The following ATP6V0E1 variants were observed in gnomAD, a reference collection of about 807,000 sequenced individuals.
ATP6V0E1 encodes ATPase H+ transporting V0 subunit e1.
A neutral mutation model predicts 11.6 loss-of-function variants in ATP6V0E1; 4 were observed. That is an observed-to-expected ratio of 0.35 (90% confidence interval 0.17 to 0.79). The LOEUF is 0.79. Ranked by LOEUF, ATP6V0E1 falls within the 30% of genes least tolerant of loss-of-function variation. The probability of loss-of-function intolerance (pLI) is 0.54; values close to 1 mark genes in which losing one functional copy is unlikely to be tolerated. For missense variants in ATP6V0E1, 105 were observed against 100.0 expected (o/e 1.05, Z -0.21); for synonymous variants, 36 against 34.8 (o/e 1.04, Z -0.13).
chr5:172,991,177 A>T (rs1242185377), intron 1 of ATP6V0E1, among the ~76,000 whole-genome samples: 1 of 152,108 alleles, frequency 6.6e-6, no homozygotes, highest in East Asian at 1.9e-4. Flanking sequence ...GTAGTACAAT[A>T]AGTGCCATAT....
Position 172,983,787 on chromosome 5 carries a change from C to T in ATP6V0E1, c.-74C>T, listed in dbSNP as rs773979303. On this transcript the variant is annotated 5_prime_UTR_variant, in exon 1 of 4. Coordinates refer to ENST00000519374, the MANE Select transcript of ATP6V0E1 (RefSeq NM_003945.4). ...GCGGGGCTTGCACACGCTGGTCACG[C>T]GGTCAGCTATTGACACTTCCTGGTG... The T allele has an allele frequency of 1.4e-6, 2 of 1,426,988 alleles. No homozygotes were observed. Among genetic ancestry groups the T allele is most frequent in the Admixed American group, 1.7e-5 (1 of 59,126 alleles). The allele number at this position is 1,426,988 out of a possible 1,614,324, so 88.4% of individuals were successfully genotyped here.
intron 2 of ATP6V0E1, among the ~76,000 whole-genome samples, chr5:173,015,790 G>A (rs1483969111): frequency 5.3e-5 from 8 of 152,094 alleles, no homozygotes; most frequent in African/African-American, 2.4e-5. Flanking sequence ...GCAGTGGTGC[G>A]ACCTTGGCTC....
At chr5:173,008,554 T>C (rs1239754254) in intron 2 of ATP6V0E1, among the ~76,000 whole-genome samples, 1 of 149,256 alleles carries the variant, frequency 6.7e-6, no homozygotes, top group Non-Finnish European at 1.5e-5. Context: ...CCACCTTGGC[T>C]TCCCAAAGTG....
At chr5:173,017,867 A>G (rs1384730565) in intron 2 of ATP6V0E1, among the ~76,000 whole-genome samples, 3 of 151,306 alleles carry the variant, frequency 2.0e-5, no homozygotes, top group Non-Finnish European at 4.4e-5. Context: ...AAAAGAAAAG[A>G]AAAGAAAGGG....
chr5:172,992,335 G>T (rs1049325945), intron 1 of ATP6V0E1, among the ~76,000 whole-genome samples: 6 of 152,220 alleles, frequency 3.9e-5, no homozygotes, highest in Non-Finnish European at 7.3e-5. Flanking sequence ...GCAGGCGTGA[G>T]CCACTGCGCC....
chr5:173,016,232 A>G (rs1756398150), intron 2 of ATP6V0E1, among the ~76,000 whole-genome samples: 1 of 152,156 alleles, frequency 6.6e-6, no homozygotes, highest in Non-Finnish European at 1.5e-5. Context: ...GTGAGATCTG[A>G]TGCTGATGCT....
At chr5:173,002,382 T>C (rs1226819569) in intron 2 of ATP6V0E1, among the ~76,000 whole-genome samples, 1 of 152,228 alleles carries the variant, frequency 6.6e-6, no homozygotes, top group South Asian at 2.1e-4. Flanking sequence ...ATAGGCTTCT[T>C]CTCCATATCT....
chr5:173,034,266 T>C, intron 3 of ATP6V0E1, 133 bp from the exon 4 acceptor site: 1 of 661,994 alleles, frequency 1.5e-6, no homozygotes, highest in Non-Finnish European at 2.8e-6. Context: ...CCAAGTTGAT[T>C]ATCCTGTGTT....
chr5:172,986,920 T>A (rs1412975072), intron 1 of ATP6V0E1, among the ~76,000 whole-genome samples: 1 of 151,888 alleles, frequency 6.6e-6, no homozygotes, highest in African/African-American at 2.4e-5. Flanking sequence ...CCCGAGTAGC[T>A]GGGGTTACAG....
At chr5:173,019,973 G>A (rs1340567787) in intron 2 of ATP6V0E1, among the ~76,000 whole-genome samples, 1 of 152,216 alleles carries the variant, frequency 6.6e-6, no homozygotes, top group Non-Finnish European at 1.5e-5. Context: ...TACTTGGAAA[G>A]ATAATCAGGT....
chr5:173,011,721 T>C (rs1052297992), intron 2 of ATP6V0E1, among the ~76,000 whole-genome samples: 2 of 151,092 alleles, frequency 1.3e-5, no homozygotes, highest in African/African-American at 5.0e-5. Context: ...TTGAATAATC[T>C]CAGATTGGTT....
At chr5:173,022,848 T>G (rs1679769665) in intron 3 of ATP6V0E1, among the ~76,000 whole-genome samples, 1 of 151,950 alleles carries the variant, frequency 6.6e-6, no homozygotes, top group East Asian at 1.9e-4. Context: ...GTCCATGTTT[T>G]GGCTAATTTT....
intron 3 of ATP6V0E1, among the ~76,000 whole-genome samples, chr5:173,029,024 C>G (rs780176858): frequency 6.6e-6 from 1 of 152,174 alleles, no homozygotes. Flanking sequence ...AGTCTGAAGG[C>G]ATAGAAATGC....
chr5:172,990,925 C>T (rs1053613895), intron 1 of ATP6V0E1, among the ~76,000 whole-genome samples: 1 of 150,938 alleles, frequency 6.6e-6, no homozygotes, highest in African/African-American at 2.4e-5. Context: ...GCTAAGATTA[C>T]AGGCTTGAGC....
chr5:173,020,534 C>T, intron 3 of ATP6V0E1, 167 bp downstream of exon 3: 1 of 581,892 alleles, frequency 1.7e-6, no homozygotes, highest in East Asian at 2.9e-5. Flanking sequence ...CTTAGCTTAC[C>T]TAAATCTCAT....
chr5:173,012,037 A>ATT (rs1756333539), intron 2 of ATP6V0E1, among the ~76,000 whole-genome samples: 1 of 139,202 alleles, frequency 7.2e-6, no homozygotes, highest in African/African-American at 3.0e-5. Flanking sequence ...TTCCTAGGTA[A>ATT]ATTTTTTTTT....
At chr5:172,998,662 G>T (rs12188360) in intron 2 of ATP6V0E1, among the ~76,000 whole-genome samples, 66 of 147,612 alleles carry the variant, frequency 4.5e-4, no homozygotes, top group African/African-American at 1.5e-3. Context: ...GTATCATCAA[G>T]AACTGATTTT....
intron 2 of ATP6V0E1, among the ~76,000 whole-genome samples, chr5:172,998,312 A>G (rs1208300860): frequency 6.8e-6 from 1 of 147,960 alleles, no homozygotes. Flanking sequence ...GTTTGGCTGT[A>G]AAGAGTATAT....
chr5:172,996,949 T>C, intron 2 of ATP6V0E1, among the ~76,000 whole-genome samples: 1 of 12,844 alleles, frequency 7.8e-5, no homozygotes, highest in East Asian at 3.3e-3. Context: ...TGGGGAATTT[T>C]TTCTTTTTTT....
Sources: gnomAD v4.1 joint callset for allele counts (sites outside exome capture counted in the v4.1 genomes callset) on GRCh38, gnomAD v4.1.1 for gene constraint, MANE v1.5 for transcripts, NCBI Gene and HGNC (gene_info 2026-07-23, HGNC 2026-07-21) for gene names.